Variants in TEX2 observed in about 807,000 individuals in gnomAD.
TEX2 encodes the protein testis-expressed protein 2.
In TEX2, 53 loss-of-function variants were observed where a neutral mutation model predicts 106.9. The ratio of observed to expected loss-of-function variants is 0.50; its 90% confidence interval spans 0.40 to 0.62. The LOEUF is 0.62. TEX2 is among the 20% of genes least tolerant of loss of function. The pLI, the probability that TEX2 is intolerant of heterozygous loss-of-function variation, is 0.00. For missense variants in TEX2, 1,207 were observed against 1,379.0 expected, an observed-to-expected ratio of 0.88 and a Z score of 1.98; for synonymous variants, 523 against 534.8, an observed-to-expected ratio of 0.98 and a Z score of 0.30.
In TEX2 at chr17:64,195,113, C is replaced by G. The variant is rs538068559; in HGVS notation, c.1645-18G>C. The G allele has an allele frequency of 3.1e-6, 5 of 1,610,114 alleles. No homozygotes were observed. In the African/African-American group the frequency reaches 6.7e-5, roughly 21 times the overall value. On this transcript the variant is annotated intron_variant, in intron 2 of 11. Coordinates refer to ENST00000584379, the MANE Select transcript of TEX2 (RefSeq NM_001288732.2). The surrounding 1 kb of genome is among the most constrained non-coding windows in gnomAD (Gnocchi z 4.1). ...ATCCATCCCTGATGAAGAAAAACTT[C>G]CATTAGTAATATCAGAATAATCGCA...
Position 64,160,784 on chromosome 17 carries a change from C to A in TEX2, c.2804+17G>T, listed in dbSNP as rs1252723442. ...TGCCCCAGGATTGGATTAGTAAATT[C>A]ATATATAGCCCCTTACCCTTCTTTG... is the stretch of plus-strand genomic sequence containing the variant. On this transcript the variant is annotated intron_variant, in intron 8 of 11. Transcript: ENST00000584379. The A allele has an allele frequency of 1.9e-6, 3 of 1,612,280 alleles. No homozygotes were observed. Among genetic ancestry groups the A allele is most frequent in the East Asian group, 2.2e-5 (1 of 44,884 alleles).
At chr17:64,186,388 G>A in intron 5 of TEX2, among the ~76,000 whole-genome samples, 1 of 152,140 alleles carries the variant, frequency 6.6e-6, no homozygotes, top group East Asian at 1.9e-4. Flanking sequence ...GGCCAGCAGA[G>A]GCATATGGTC....
At chr17:64,171,035 C>T (rs2031369422) in intron 7 of TEX2, 65 bp downstream of exon 7, 1 of 1,305,352 alleles carries the variant, frequency 7.7e-7, no homozygotes, top group African/African-American at 1.5e-5. Flanking sequence ...ACAAAGCCAT[C>T]ATGGTACTGA....
chr17:64,220,449 T>A (rs1277414473), intron 1 of TEX2, among the ~76,000 whole-genome samples: 3 of 152,142 alleles, frequency 2.0e-5, no homozygotes, highest in African/African-American at 7.2e-5. Context: ...ATTTTTGTAA[T>A]CTATCCATCT....
chr17:64,214,261 A>G lies in TEX2; in HGVS notation c.-25-19T>C. 1 of 1,570,374 alleles carries G rather than the reference A, an allele frequency of 6.4e-7. No homozygotes were observed. The highest frequency in any genetic ancestry group is 1.4e-5 in the African/African-American group (1 of 73,758). ...TCAGGCTCTGTGAAAACAGTGAGAAAACCAGAAGTCAGAGAGCAGTTTCTC... is the reference window on the plus strand; with the variant it reads ...TCAGGCTCTGTGAAAACAGTGAGAAGACCAGAAGTCAGAGAGCAGTTTCTC... On this transcript the variant is annotated intron_variant, in intron 1 of 11. Transcript: ENST00000584379.
chr17:64,258,829 G>A (rs1598238117), intron 1 of TEX2, among the ~76,000 whole-genome samples: 1 of 151,554 alleles, frequency 6.6e-6, no homozygotes, highest in East Asian at 1.9e-4. Context: ...GTGCGATCTC[G>A]GCTCACTGCA....
chr17:64,256,027 C>G (rs926811903), intron 1 of TEX2: 2 of 152,342 alleles, frequency 1.3e-5, no homozygotes, highest in Non-Finnish European at 2.9e-5. Flanking sequence ...CAGGTAGGGC[C>G]AAGTCTCCCA....
At chr17:64,199,017 G>A (rs1555629743) in intron 2 of TEX2, among the ~76,000 whole-genome samples, 1 of 152,182 alleles carries the variant, frequency 6.6e-6, no homozygotes, top group African/African-American at 2.4e-5. Context: ...AGTAAAGTAA[G>A]CTGTGGGGAT....
chr17:64,221,894 A>T (rs2033368241), intron 1 of TEX2, among the ~76,000 whole-genome samples: 1 of 152,232 alleles, frequency 6.6e-6, no homozygotes, highest in African/African-American at 2.4e-5. Context: ...CATTATGCTA[A>T]CGAAATAAGC....
At chr17:64,172,001 G>T (rs2031425830) in intron 6 of TEX2, among the ~76,000 whole-genome samples, 1 of 146,536 alleles carries the variant, frequency 6.8e-6, no homozygotes, top group African/African-American at 2.5e-5. Flanking sequence ...AAAAAGAAAA[G>T]AAGAGAAATT....
At chr17:64,200,947 T>A (rs1567937035) in intron 2 of TEX2, among the ~76,000 whole-genome samples, 1 of 152,162 alleles carries the variant, frequency 6.6e-6, no homozygotes, top group Non-Finnish European at 1.5e-5. Context: ...CCTATCTTTG[T>A]GTTAAAGATT....
intron 2 of TEX2, among the ~76,000 whole-genome samples, chr17:64,202,225 C>A (rs1253605865): frequency 6.6e-6 from 1 of 152,148 alleles, no homozygotes; most frequent in Admixed American, 6.5e-5. Flanking sequence ...TTTCCTGCCC[C>A]CTATCTAAGG....
chr17:64,247,545 T>C (rs2034013102), intron 1 of TEX2, among the ~76,000 whole-genome samples: 1 of 152,114 alleles, frequency 6.6e-6, no homozygotes, highest in South Asian at 2.1e-4. Flanking sequence ...ATGTCAGGGC[T>C]CCAGAGATGA....
rs1171488139 is a variant in TEX2, at chr17:64,213,216, C to T, written c.1002G>A (p.Leu334=). The T allele has an allele frequency of 6.2e-7, 1 of 1,614,198 alleles. No individual in the cohort carries two copies. Among genetic ancestry groups the T allele is most frequent in the Non-Finnish European group, 8.5e-7 (1 of 1,180,034 alleles). Residue 334 remains leucine, a synonymous_variant, in exon 2 of 12, where the codon TTG becomes TTA. Transcript: ENST00000584379. The surrounding 1 kb of genome is among the most constrained non-coding windows in gnomAD (Gnocchi z 4.4). ...SASELSNLSS[L]NGHLESNNNY... ...TGTTATTGCTTTCCAAGTGCCCATT[C>T]AAGCTGGACAGATTGGAGAGTTCTG...
At chr17:64,246,392 T>C (rs1392067413) in intron 1 of TEX2, among the ~76,000 whole-genome samples, 1 of 152,074 alleles carries the variant, frequency 6.6e-6, no homozygotes, top group African/African-American at 2.4e-5. Context: ...ATTACAGGTG[T>C]GCGCCACCAC....
At chr17:64,157,877 A>G (rs1185634470) in intron 8 of TEX2, among the ~76,000 whole-genome samples, 1 of 152,204 alleles carries the variant, frequency 6.6e-6, no homozygotes, top group Non-Finnish European at 1.5e-5. Flanking sequence ...AAGGGCCCAG[A>G]CTGCAGTGGT....
At chr17:64,240,233 A>G (rs1036006817) in intron 1 of TEX2, among the ~76,000 whole-genome samples, 29 of 147,416 alleles carry the variant, frequency 2.0e-4, no homozygotes, top group Non-Finnish European at 3.3e-4. Context: ...GTATATGCAG[A>G]TGTGTGTGTG....
rs71156002 is a variant in TEX2, at chr17:64,170,622, C to CTTTTTTTTTTTTTTT, written c.2671+463_2671+477dup. Among the ~76,000 whole-genome samples the CTTTTTTTTTTTTTTT allele has an allele frequency of 1.6e-4, 12 of 73,742 alleles. 3 individuals are homozygous for CTTTTTTTTTTTTTTT. The highest frequency in any genetic ancestry group is 4.7e-4 in the East Asian group (1 of 2,110). 48.4% of individuals were successfully genotyped at this position (73,742 alleles called of 152,430 possible). A position where few individuals can be genotyped will look rare whatever the true frequency, so the allele number is the denominator to read the frequency against. ...ATGGGAGCTTGGATCTATTCCAAAT[C>CTTTTTTTTTTTTTTT]TTTTTTTTTTTTTTTTTTTTTTTTT... On this transcript the variant is annotated intron_variant, in intron 7 of 11. Coordinates refer to ENST00000584379, the MANE Select transcript of TEX2 (RefSeq NM_001288732.2).
rs528268019 is a variant in TEX2 at position 64,208,324 on chromosome 17, G to A, written c.1644+4250C>T. Among the ~76,000 whole-genome samples the A allele has an allele frequency of 1.5e-4, 22 of 150,060 alleles. No homozygotes were observed. In the South Asian group the frequency reaches 4.4e-3, roughly 30 times the overall value. ...CATGATCACGGCTCAGTGCAGCCTTGACCCCCTGAGCTCAAGCGATCTTCC... is the reference window on the plus strand; with the variant it reads ...CATGATCACGGCTCAGTGCAGCCTTAACCCCCTGAGCTCAAGCGATCTTCC... On this transcript the variant is annotated intron_variant, in intron 2 of 11. Coordinates refer to ENST00000584379, the MANE Select transcript of TEX2 (RefSeq NM_001288732.2).
Sources: gnomAD v4.1 joint callset for allele counts (sites outside exome capture counted in the v4.1 genomes callset) on GRCh38, gnomAD v4.1.1 for gene constraint, Gnocchi (gnomAD v3.1) non-coding constraint, MANE v1.5 for transcripts, NCBI Gene and HGNC (gene_info 2026-07-23, HGNC 2026-07-21) for gene names.